The following KSR2 variants were observed in gnomAD, a reference collection of about 807,000 sequenced individuals.
KSR2 encodes kinase suppressor of ras 2.
In KSR2, 25 loss-of-function variants were observed where a neutral mutation model predicts 107.8. The observed-to-expected ratio is 0.23, with a 90% CI of 0.17 to 0.32. The LOEUF is 0.32. Among genes scored for constraint, KSR2 ranks in the 10% least tolerant of loss-of-function variants. The pLI, the probability that KSR2 is intolerant of heterozygous loss-of-function variation, is 1.00. For missense variants in KSR2, 887 were observed against 1,268.9 expected, an observed-to-expected ratio of 0.70 and a Z score of 4.57; for synonymous variants, 480 against 507.0, an observed-to-expected ratio of 0.95 and a Z score of 0.71.
At chr12:117,480,885 T>C (rs1444575741) in intron 16 of KSR2, among the ~76,000 whole-genome samples, 1 of 152,070 alleles carries the variant, frequency 6.6e-6, no homozygotes, top group East Asian at 1.9e-4. Flanking sequence ...TACAAGAATT[T>C]CTGGAGAGAA....
rs774180954 is a variant in KSR2, at chr12:117,761,172, G to T, written c.825C>A (p.Gly275=). Residue 275 remains glycine (G), a synonymous_variant, in exon 4 of 20, where the codon GGC becomes GGA. Transcript: ENST00000339824. ...PNIVTTVTPP[G]TPPMRKKNKL... ...TGTTCTTCTTCCTCATGGGCGGCGT[G>T]CCCGGCGGGGTCACGGTGGTGACGA... The T allele has an allele frequency of 6.2e-7, 1 of 1,602,520 alleles. No individual in the cohort carries two copies. The highest frequency in any genetic ancestry group is 2.2e-5 in the East Asian group (1 of 44,498).
At chr12:117,922,228 C>G (rs985359223) in intron 1 of KSR2, among the ~76,000 whole-genome samples, 1 of 152,190 alleles carries the variant, frequency 6.6e-6, no homozygotes, top group African/African-American at 2.4e-5. Flanking sequence ...ACAAAATTTT[C>G]ATCAGCCAAT....
rs115638721 is a variant in KSR2 at position 117,869,865 on chromosome 12, T to C, written c.181-9434A>G. 3.2e-3 allele frequency among the ~76,000 whole-genome samples: 483 copies of C among 152,372 alleles called. 2 individuals are homozygous for C. Among genetic ancestry groups the C allele is most frequent in the African/African-American group, 0.011 (467 of 41,586 alleles). On this transcript the variant is annotated intron_variant, in intron 1 of 19. Transcript: ENST00000339824. ...TGCCATGTACTAAACATTTACAGTATGCCTGGCATCGCAAGCCAAGTGCCG... is the reference window on the plus strand; with the variant it reads ...TGCCATGTACTAAACATTTACAGTACGCCTGGCATCGCAAGCCAAGTGCCG...
intron 3 of KSR2, among the ~76,000 whole-genome samples, chr12:117,837,804 T>C (rs1343413883): frequency 6.6e-6 from 1 of 152,164 alleles, no homozygotes; most frequent in East Asian, 1.9e-4. Flanking sequence ...TGAGCTCTGT[T>C]CCCAAGGACA....
chr12:117,895,736 C>T (rs530062564), intron 1 of KSR2, among the ~76,000 whole-genome samples: 1 of 152,192 alleles, frequency 6.6e-6, no homozygotes, highest in Non-Finnish European at 1.5e-5. Flanking sequence ...TAGGTATATA[C>T]CCAAGAAAAC....
intron 14 of KSR2, among the ~76,000 whole-genome samples, chr12:117,488,040 C>T (rs1014057363): frequency 3.9e-5 from 6 of 152,144 alleles, no homozygotes; most frequent in African/African-American, 1.4e-4. Flanking sequence ...CCATACTGTT[C>T]TCCTGGTATT....
chr12:117,571,264 GA>G (rs1356684467), intron 7 of KSR2, among the ~76,000 whole-genome samples: 2 of 151,830 alleles, frequency 1.3e-5, no homozygotes, highest in Non-Finnish European at 2.9e-5. Context: ...TCTCAAAAAA[GA>G]AAAAAAGAAA....
chr12:117,721,699 A>G (rs1346635270), intron 4 of KSR2, among the ~76,000 whole-genome samples: 1 of 152,152 alleles, frequency 6.6e-6, no homozygotes, highest in Non-Finnish European at 1.5e-5. Context: ...AGGATTCACA[A>G]ACAGAGTGCA....
intron 4 of KSR2, among the ~76,000 whole-genome samples, chr12:117,735,751 G>A (rs1887913791): frequency 6.6e-6 from 1 of 152,108 alleles, no homozygotes; most frequent in Non-Finnish European, 1.5e-5. Flanking sequence ...GCCACAGGGT[G>A]CCCTATAATA....
intron 4 of KSR2, among the ~76,000 whole-genome samples, chr12:117,716,624 C>T (rs796640830): frequency 7.9e-5 from 12 of 152,236 alleles, no homozygotes; most frequent in African/African-American, 2.9e-4. Context: ...AAATTACATA[C>T]AGGGTTTGTA....
At chr12:117,825,393 A>G (rs983638904) in intron 3 of KSR2, among the ~76,000 whole-genome samples, 4 of 152,084 alleles carry the variant, frequency 2.6e-5, no homozygotes, top group African/African-American at 9.7e-5. Flanking sequence ...GGATAGGTGC[A>G]TGGGTCGGGG....
intron 1 of KSR2, among the ~76,000 whole-genome samples, chr12:117,893,850 C>T (rs1894421490): frequency 6.6e-6 from 1 of 151,666 alleles, no homozygotes; most frequent in African/African-American, 2.4e-5. Flanking sequence ...TATATTTTAA[C>T]GCAGCATTTT....
intron 5 of KSR2, among the ~76,000 whole-genome samples, chr12:117,620,582 T>A (rs896372862): frequency 6.6e-6 from 1 of 152,196 alleles, no homozygotes; most frequent in African/African-American, 2.4e-5. Flanking sequence ...TTGAAGCTTA[T>A]GCACTCTAGA....
chr12:117,840,243 G>A (rs993469242), intron 3 of KSR2, among the ~76,000 whole-genome samples: 11 of 151,990 alleles, frequency 7.2e-5, no homozygotes, highest in South Asian at 2.1e-4. Context: ...AACTATAGGC[G>A]TGCACCACAA....
chr12:117,480,497 C>T (rs931377104), intron 16 of KSR2, among the ~76,000 whole-genome samples: 4 of 152,100 alleles, frequency 2.6e-5, no homozygotes, highest in Admixed American at 6.5e-5. Context: ...TAAAACGATA[C>T]CTTTTCTTGA....
At chr12:117,690,151 T>C (rs1457400612) in intron 4 of KSR2, among the ~76,000 whole-genome samples, 2 of 152,330 alleles carry the variant, frequency 1.3e-5, no homozygotes, top group African/African-American at 4.8e-5. Context: ...TTCCAACCTC[T>C]GGTTTAGAAT....
At chr12:117,966,061 T>C (rs1404221615) in intron 1 of KSR2, among the ~76,000 whole-genome samples, 1 of 152,112 alleles carries the variant, frequency 6.6e-6, no homozygotes, top group African/African-American at 2.4e-5. Flanking sequence ...AACAGATGCA[T>C]TTCCTACAAC....
intron 1 of KSR2, among the ~76,000 whole-genome samples, chr12:117,915,037 C>T (rs541469836): frequency 6.6e-6 from 1 of 152,174 alleles, no homozygotes; most frequent in Non-Finnish European, 1.5e-5. Context: ...GATACAAGGT[C>T]GCCTAAAGCC....
At chr12:117,867,316 T>C (rs1566058692) in intron 1 of KSR2, among the ~76,000 whole-genome samples, 1 of 144,860 alleles carries the variant, frequency 6.9e-6, no homozygotes, top group African/African-American at 2.5e-5. Flanking sequence ...ACCTTGTATT[T>C]AAAAAAAAAA....
Sources: allele counts gnomAD v4.1 joint callset (sites outside exome capture counted in the v4.1 genomes callset), GRCh38; gene constraint gnomAD v4.1.1; transcripts MANE v1.5; gene names NCBI Gene and HGNC (gene_info 2026-07-23, HGNC 2026-07-21).